Variants in AGBL1 observed in about 807,000 individuals in gnomAD.
The protein encoded by AGBL1 is cytosolic carboxypeptidase 4.
Under a neutral mutation model 118.9 loss-of-function variants are expected in AGBL1, and 130 were observed. The observed-to-expected ratio is 1.09, with a 90% CI of 0.95 to 1.26. The LOEUF (loss-of-function observed/expected upper bound fraction) is 1.26. Among genes scored for constraint, AGBL1 ranks in the 50% most tolerant of loss-of-function variants. AGBL1 has a pLI of 0.00. For synonymous variants in AGBL1, 555 were observed against 478.9 expected (o/e 1.16, Z -2.08); for missense variants, 1,584 against 1,298.1 (o/e 1.22, Z -3.38).
intron 6 of AGBL1, among the ~76,000 whole-genome samples, chr15:86,237,216 C>T (rs1014218023): frequency 3.3e-5 from 5 of 152,204 alleles, no homozygotes; most frequent in African/African-American, 1.2e-4. Context: ...AATAGTGACA[C>T]ACTATTGGCT....
intron 17 of AGBL1, among the ~76,000 whole-genome samples, chr15:86,321,313 G>T (rs552646656): frequency 6.6e-6 from 1 of 152,002 alleles, no homozygotes; most frequent in East Asian, 1.9e-4. Context: ...ATTTATTTTT[G>T]AAACAAGTTT....
chr15:86,514,159 CACAT>C (rs779228484), intron 18 of AGBL1, among the ~76,000 whole-genome samples: 2,130 of 151,364 alleles, frequency 0.014, 20 homozygotes, highest in Non-Finnish European at 0.023. Flanking sequence ...CACACACACA[CACAT>C]ACACATCTAT....
At chr15:86,164,544 A>G (rs2077310938) in intron 5 of AGBL1, among the ~76,000 whole-genome samples, 1 of 152,102 alleles carries the variant, frequency 6.6e-6, no homozygotes, top group South Asian at 2.1e-4. Context: ...AGATTTTGAT[A>G]ATAATAAGGA....
At chr15:86,266,489 G>A (rs752903260) in intron 12 of AGBL1, 32 bp downstream of exon 12, 11 of 1,478,694 alleles carry the variant, frequency 7.4e-6, no homozygotes, top group Non-Finnish European at 1.0e-5. Flanking sequence ...AGGAAGGTGG[G>A]GCATGGAGAA....
At chr15:86,269,531 T>C (rs2079123926) in intron 13 of AGBL1, among the ~76,000 whole-genome samples, 2 of 152,218 alleles carry the variant, frequency 1.3e-5, no homozygotes, top group Admixed American at 6.5e-5. Flanking sequence ...TGGAATGTTC[T>C]TAACCCAAAA....
chr15:86,133,357 G>C (rs1431682175), intron 1 of AGBL1, among the ~76,000 whole-genome samples: 2 of 152,086 alleles, frequency 1.3e-5, no homozygotes, highest in African/African-American at 4.8e-5. Context: ...CTCAGCTTAA[G>C]TGTTACTTCT....
chr15:86,653,540 T>C (rs1006897478), intron 21 of AGBL1, among the ~76,000 whole-genome samples: 2 of 152,160 alleles, frequency 1.3e-5, no homozygotes, highest in Non-Finnish European at 2.9e-5. Flanking sequence ...GGTTCTTTTT[T>C]ATAAACCGTG....
intron 18 of AGBL1, among the ~76,000 whole-genome samples, chr15:86,437,975 G>T (rs1162767868): frequency 6.6e-6 from 1 of 151,834 alleles, no homozygotes; most frequent in East Asian, 1.9e-4. Flanking sequence ...GTGCAATCTC[G>T]GCTTACTGCA....
At chr15:86,961,705 G>A (rs1054316094) in intron 23 of AGBL1, among the ~76,000 whole-genome samples, 5 of 152,014 alleles carry the variant, frequency 3.3e-5, no homozygotes, top group African/African-American at 9.7e-5. Context: ...GGGTCAGGCC[G>A]GGGGCTCAGA....
At chr15:86,925,181 A>T (rs1267930410) in intron 23 of AGBL1, among the ~76,000 whole-genome samples, 15 of 19,700 alleles carry the variant, frequency 7.6e-4, no homozygotes, top group Non-Finnish European at 1.6e-3. Flanking sequence ...GAGGAAGAGG[A>T]AGAGGAAGAA....
chr15:86,441,215 T>C (rs1370686847), intron 18 of AGBL1, among the ~76,000 whole-genome samples: 1 of 152,180 alleles, frequency 6.6e-6, no homozygotes, highest in Non-Finnish European at 1.5e-5. Flanking sequence ...GTTATTCTTA[T>C]AGTAAATTTG....
chr15:86,790,574 C>A (rs1213875838), intron 22 of AGBL1, among the ~76,000 whole-genome samples: 2 of 152,012 alleles, frequency 1.3e-5, no homozygotes, highest in Non-Finnish European at 2.9e-5. Context: ...TAGATGATGA[C>A]CATTTGGTCT....
chr15:86,351,120 G>C (rs1337473214), intron 17 of AGBL1, among the ~76,000 whole-genome samples: 2 of 152,140 alleles, frequency 1.3e-5, no homozygotes, highest in African/African-American at 4.8e-5. Context: ...ATAATAAACA[G>C]AAATTTATTG....
chr15:86,682,572 C>T (rs1045709076), intron 22 of AGBL1, among the ~76,000 whole-genome samples: 2 of 152,062 alleles, frequency 1.3e-5, no homozygotes, highest in Non-Finnish European at 2.9e-5. Context: ...ATTTGATCCT[C>T]TGTTTACAGC....
chr15:86,549,404 A>G (rs991793467), intron 20 of AGBL1, among the ~76,000 whole-genome samples: 1 of 152,184 alleles, frequency 6.6e-6, no homozygotes, highest in Admixed American at 6.6e-5. Flanking sequence ...CACAGATGTC[A>G]AGCTAAATAA....
At chr15:86,836,338 G>A (rs1369988373) in intron 22 of AGBL1, among the ~76,000 whole-genome samples, 1 of 152,118 alleles carries the variant, frequency 6.6e-6, no homozygotes, top group African/African-American at 2.4e-5. Context: ...CAAAGAACCA[G>A]CTCTCAGATC....
intron 22 of AGBL1, among the ~76,000 whole-genome samples, chr15:86,838,941 T>TAA (rs386383698): frequency 0.26 from 12,341 of 47,922 alleles, 2,624 homozygotes; most frequent in African/African-American, 0.39. Flanking sequence ...TGAGATCCTG[T>TAA]AAAAAAAAAA....
intron 18 of AGBL1, among the ~76,000 whole-genome samples, chr15:86,510,597 T>C (rs2083042347): frequency 6.6e-6 from 1 of 152,120 alleles, no homozygotes; most frequent in Admixed American, 6.6e-5. Flanking sequence ...TGTCTATTTT[T>C]CTTAATGTTA....
intron 18 of AGBL1, among the ~76,000 whole-genome samples, chr15:86,409,608 G>A (rs949617345): frequency 3.9e-5 from 6 of 152,072 alleles, no homozygotes; most frequent in Non-Finnish European, 2.9e-5. Flanking sequence ...CCTAATTTAT[G>A]CCATCATAAA....
Sources: gnomAD v4.1 joint callset for allele counts (sites outside exome capture counted in the v4.1 genomes callset) on GRCh38, gnomAD v4.1.1 for gene constraint, MANE v1.5 for transcripts, NCBI Gene and HGNC (gene_info 2026-07-23, HGNC 2026-07-21) for gene names.